Variants in RTN4RL1 observed in about 807,000 individuals in gnomAD.
RTN4RL1 encodes the protein reticulon-4 receptor-like 1.
Under a neutral mutation model 25.6 loss-of-function variants are expected in RTN4RL1, and 7 were observed. That is an observed-to-expected ratio of 0.27 (90% CI 0.16 to 0.51). RTN4RL1 has a LOEUF of 0.51. Among genes scored for constraint, RTN4RL1 ranks in the 20% least tolerant of loss-of-function variants. The probability of loss-of-function intolerance (pLI) is 0.97; values close to 1 mark genes in which losing one functional copy is unlikely to be tolerated. For synonymous variants in RTN4RL1, 297 were observed against 288.2 expected (o/e 1.03, Z -0.31); for missense variants, 500 against 615.6 (o/e 0.81, Z 1.99).
chr17:2,016,703 AGCAGGCGG>A (rs898901570), intron 1 of RTN4RL1, among the ~76,000 whole-genome samples: 16 of 152,216 alleles, frequency 1.1e-4, no homozygotes, highest in Non-Finnish European at 2.2e-4. Context: ...GACAGGCGGC[AGCAGGCGG>A]GCAGGCGGGA....
At chr17:1,992,807 C>T (rs1363361806) in intron 1 of RTN4RL1, among the ~76,000 whole-genome samples, 2 of 152,240 alleles carry the variant, frequency 1.3e-5, no homozygotes, top group African/African-American at 4.8e-5. Context: ...GCCTTGCCAT[C>T]GTCGCCCACG....
intron 1 of RTN4RL1, among the ~76,000 whole-genome samples, chr17:1,967,642 CTCTT>C (rs898396731): frequency 1.4e-4 from 21 of 151,284 alleles, no homozygotes; most frequent in East Asian, 1.2e-3. Flanking sequence ...TCCAGTCTCT[CTCTT>C]TCTTTTTTTT....
chr17:1,946,909 C>A (rs1915563416), intron 1 of RTN4RL1, among the ~76,000 whole-genome samples: 1 of 131,608 alleles, frequency 7.6e-6, no homozygotes, highest in Non-Finnish European at 1.6e-5. Flanking sequence ...TCTGTGTATG[C>A]ACGTGTGTCT....
At chr17:2,018,934 C>G (rs2067162913) in intron 1 of RTN4RL1, 2 of 152,308 alleles carry the variant, frequency 1.3e-5, no homozygotes, top group African/African-American at 2.4e-5. Context: ...TTCCAGCTAG[C>G]ATCCATGTCT....
At chr17:1,971,978 AAT>A (rs1445423834) in intron 1 of RTN4RL1, among the ~76,000 whole-genome samples, 3 of 147,384 alleles carry the variant, frequency 2.0e-5, no homozygotes, top group Non-Finnish European at 3.0e-5. Flanking sequence ...AAAAAAAAAA[AAT>A]TTTAAACATT....
chr17:1,961,773 C>CAAAAAAAAAAACAAA (rs2066762932), intron 1 of RTN4RL1, among the ~76,000 whole-genome samples: 1 of 55,578 alleles, frequency 1.8e-5, no homozygotes, highest in Non-Finnish European at 3.3e-5. Context: ...ACTAAAAATA[C>CAAAAAAAAAAACAAA]AAAAAAAAAA....
Position 1,936,606 on chromosome 17 carries a change from G to A in RTN4RL1, c.1216C>T (p.Arg406Cys), listed in dbSNP as rs774622219. The change falls in exon 2 of 2, where the codon CGC becomes TGC. Residue 406 changes from arginine to cysteine, a missense_variant. Arg to Cys is a radical substitution (Grantham distance 180, BLOSUM62 -3). Around this residue, in one of 2 missense-constraint regions of RTN4RL1, gnomAD observed 268 missense variants for 274.5 expected, o/e 0.98. Coordinates refer to ENST00000331238, the MANE Select transcript of RTN4RL1 (RefSeq NM_178568.4). ...ARPKRKGKCA[R>C]RTPIRAPSGV... is the part of the protein sequence containing the mutation. Reference sequence around the variant, plus strand: ...CTGGGGGCACGGATGGGGGTCCTGCGGGCACACTTGCCCTTCCTCTTGGGC... The same window carrying A: ...CTGGGGGCACGGATGGGGGTCCTGCAGGCACACTTGCCCTTCCTCTTGGGC... 3.8e-6 allele frequency: 6 copies of A among 1,588,778 alleles called. No homozygotes were observed. The highest frequency in any genetic ancestry group is 1.3e-5 in the African/African-American group (1 of 74,502).
At chr17:1,952,286 G>A (rs1435121827) in intron 1 of RTN4RL1, among the ~76,000 whole-genome samples, 5 of 151,734 alleles carry the variant, frequency 3.3e-5, no homozygotes, top group East Asian at 3.9e-4. Context: ...GAGGGGCAGC[G>A]GAGAAACGGG....
At chr17:1,987,682 C>T (rs1421356248) in intron 1 of RTN4RL1, among the ~76,000 whole-genome samples, 1 of 149,858 alleles carries the variant, frequency 6.7e-6, no homozygotes, top group Non-Finnish European at 1.5e-5. Context: ...ATCACAGCAC[C>T]TGTTTGCCTG....
chr17:1,970,414 G>C (rs2066813500), intron 1 of RTN4RL1, among the ~76,000 whole-genome samples: 1 of 152,162 alleles, frequency 6.6e-6, no homozygotes, highest in African/African-American at 2.4e-5. Context: ...TAAAACCACA[G>C]CGTGAAACTG....
chr17:2,015,453 C>T (rs2067108357), intron 1 of RTN4RL1, among the ~76,000 whole-genome samples: 1 of 152,154 alleles, frequency 6.6e-6, no homozygotes, highest in Non-Finnish European at 1.5e-5. Context: ...TGAAAGCCCC[C>T]AGAGCCAAGC....
chr17:1,970,508 G>A (rs2066814076), intron 1 of RTN4RL1, among the ~76,000 whole-genome samples: 3 of 152,192 alleles, frequency 2.0e-5, no homozygotes, highest in African/African-American at 7.2e-5. Flanking sequence ...CGCAGACCCA[G>A]CCCAGGTTCC....
intron 1 of RTN4RL1, among the ~76,000 whole-genome samples, chr17:1,985,528 G>A (rs1250016721): frequency 1.3e-5 from 2 of 152,182 alleles, no homozygotes; most frequent in Admixed American, 6.5e-5. Flanking sequence ...ACTTATGCAC[G>A]GAGGAACATA....
chr17:2,000,062 C>T (rs957319916), intron 1 of RTN4RL1, among the ~76,000 whole-genome samples: 1 of 152,274 alleles, frequency 6.6e-6, no homozygotes, highest in Admixed American at 6.5e-5. Flanking sequence ...GTACCCAGCA[C>T]AGAGGGAGGG....
rs550511689 is a variant in RTN4RL1 at position 2,024,916 on chromosome 17, G to A, written c.-51C>T. The stretch of plus-strand genomic sequence containing the variant: ...GGTCGGCCTAGGCGCACTCCCTCCC[G>A]GGGTCCAGATTCAAATCCCTGGGCG... On this transcript the variant is annotated 5_prime_UTR_variant, in exon 1 of 2. Coordinates refer to ENST00000331238, the MANE Select transcript of RTN4RL1 (RefSeq NM_178568.4). 4 of 1,552,736 alleles carry A rather than the reference G, an allele frequency of 2.6e-6. No individual in the cohort carries two copies. Among genetic ancestry groups the A allele is most frequent in the African/African-American group, 2.8e-5 (2 of 72,220 alleles).
At chr17:1,972,327 T>TA (rs1447069111) in intron 1 of RTN4RL1, among the ~76,000 whole-genome samples, 3 of 22,010 alleles carry the variant, frequency 1.4e-4, no homozygotes, top group East Asian at 8.0e-4. Flanking sequence ...AATAAATAAA[T>TA]AAAAATTTAA....
intron 1 of RTN4RL1, among the ~76,000 whole-genome samples, chr17:2,008,544 C>G (rs1659360862): frequency 6.6e-6 from 1 of 152,006 alleles, no homozygotes; most frequent in South Asian, 2.1e-4. Context: ...TTTTGCCAAT[C>G]TGTAGGTTTC....
Position 1,944,588 on chromosome 17 carries a change from C to T in RTN4RL1, c.14-6780G>A, listed in dbSNP as rs369820874. 2.3e-4 allele frequency among the ~76,000 whole-genome samples: 35 copies of T among 152,246 alleles called. No homozygotes were observed. The East Asian group carries it at 6.8e-3, about 29-fold the overall frequency. On this transcript the variant is annotated intron_variant, in intron 1 of 1. Transcript: ENST00000331238. ...TCTCCTGCCTCAGCCTCCTGAGTAG[C>T]TGGGATTACAGGTGCCCACCACCAC...
In RTN4RL1 at chr17:1,935,548, A is replaced by G; in HGVS notation, c.*948T>C. The G allele has an allele frequency of 9.1e-6, 9 of 985,498 alleles. No individual in the cohort carries two copies. The highest frequency in any genetic ancestry group is 1.1e-5 in the Non-Finnish European group (9 of 829,866). 61.0% of individuals were successfully genotyped at this position (985,498 alleles called of 1,614,324 possible). A position where few individuals can be genotyped will look rare whatever the true frequency, so the allele number is the denominator to read the frequency against. On this transcript the variant is annotated 3_prime_UTR_variant, in exon 2 of 2. Coordinates refer to ENST00000331238, the MANE Select transcript of RTN4RL1 (RefSeq NM_178568.4). The stretch of plus-strand genomic sequence containing the variant: ...GGCAAGGCCAGGTCCCTTGGAGACT[A>G]TCGTTGCCAGTTTGGGATTCTAGAC...
Sources: allele counts gnomAD v4.1 joint callset (sites outside exome capture counted in the v4.1 genomes callset), GRCh38; gene constraint gnomAD v4.1.1; regional missense constraint gnomAD v4.1.1; transcripts MANE v1.5; gene names NCBI Gene and HGNC (gene_info 2026-07-23, HGNC 2026-07-21).